The following TBC1D22A variants were observed in gnomAD, a reference collection of about 807,000 sequenced individuals.
The protein encoded by TBC1D22A is putative GTPase activator.
A neutral mutation model predicts 60.2 loss-of-function variants in TBC1D22A; 38 were observed. That is an observed-to-expected ratio of 0.63 (90% CI 0.49 to 0.83). The LOEUF (loss-of-function observed/expected upper bound fraction) is 0.83, where lower values mean the gene tolerates loss of function less well. TBC1D22A is among the 40% of genes least tolerant of loss of function. The pLI is 0.00. For synonymous variants in TBC1D22A, 302 were observed against 281.7 expected, an observed-to-expected ratio of 1.07 and a Z score of -0.72; for missense variants, 628 against 701.0, an observed-to-expected ratio of 0.90 and a Z score of 1.18.
At chr22:47,120,736 G>T (rs1188871522) in intron 12 of TBC1D22A, among the ~76,000 whole-genome samples, 1 of 152,216 alleles carries the variant, frequency 6.6e-6, no homozygotes, top group Non-Finnish European at 1.5e-5. Flanking sequence ...GAAGGGAAGA[G>T]GAATAAAAGC....
chr22:47,014,032 G>A (rs1283772495), intron 10 of TBC1D22A, among the ~76,000 whole-genome samples: 1 of 152,234 alleles, frequency 6.6e-6, no homozygotes, highest in Non-Finnish European at 1.5e-5. Flanking sequence ...AGGCAGTGGG[G>A]CGTGTGGGGA....
intron 11 of TBC1D22A, among the ~76,000 whole-genome samples, chr22:47,094,076 C>T (rs565186268): frequency 6.6e-6 from 1 of 152,284 alleles, no homozygotes; most frequent in South Asian, 2.1e-4. Flanking sequence ...GGCTTGGCAT[C>T]TAGCTGTCTG....
At chr22:47,171,183 G>A (rs2068433698) in intron 12 of TBC1D22A, among the ~76,000 whole-genome samples, 1 of 152,192 alleles carries the variant, frequency 6.6e-6, no homozygotes. Context: ...TGGACAGGAA[G>A]ACAGGATGTG....
intron 11 of TBC1D22A, among the ~76,000 whole-genome samples, chr22:47,042,396 C>T (rs1422957889): frequency 1.3e-5 from 2 of 151,002 alleles, no homozygotes; most frequent in Non-Finnish European, 2.9e-5. Flanking sequence ...CCTTGCCAGC[C>T]TGTATGAGAG....
intron 7 of TBC1D22A, among the ~76,000 whole-genome samples, chr22:46,910,254 G>C (rs537442301): frequency 3.3e-5 from 5 of 152,154 alleles, no homozygotes; most frequent in Non-Finnish European, 7.3e-5. Context: ...GGGTGGCGGG[G>C]GGCCTGGACT....
chr22:47,107,468 T>C (rs737780), intron 11 of TBC1D22A, among the ~76,000 whole-genome samples: 69,419 of 151,966 alleles, frequency 0.46, 17,080 homozygotes, highest in African/African-American at 0.64. Flanking sequence ...TCGAGGTTTT[T>C]AGGACCCTAT....
chr22:47,168,664 C>G (rs958902604), intron 12 of TBC1D22A, among the ~76,000 whole-genome samples: 6 of 152,216 alleles, frequency 3.9e-5, no homozygotes, highest in African/African-American at 1.4e-4. Context: ...CGAAGGAACC[C>G]AGGGTCTGCA....
At chr22:46,961,628 G>A (rs2073509707) in intron 8 of TBC1D22A, among the ~76,000 whole-genome samples, 1 of 152,210 alleles carries the variant, frequency 6.6e-6, no homozygotes, top group Non-Finnish European at 1.5e-5. Context: ...TGAACATGGC[G>A]AAGAAGCTTA....
At chr22:46,811,613 C>T (rs1000763906) in intron 4 of TBC1D22A, among the ~76,000 whole-genome samples, 8 of 152,100 alleles carry the variant, frequency 5.3e-5, no homozygotes, top group Non-Finnish European at 1.0e-4. Flanking sequence ...GTGCTGAGCG[C>T]GTTGTGTGCA....
At chr22:46,943,478 C>T (rs570368880) in intron 8 of TBC1D22A, among the ~76,000 whole-genome samples, 1 of 152,368 alleles carries the variant, frequency 6.6e-6, no homozygotes, top group East Asian at 1.9e-4. Context: ...AGAGTAGCGG[C>T]ATGGGCTGCT....
intron 8 of TBC1D22A, among the ~76,000 whole-genome samples, chr22:46,916,666 G>A (rs73888472): frequency 9.2e-5 from 14 of 152,354 alleles, no homozygotes; most frequent in African/African-American, 3.1e-4. Flanking sequence ...CTTTGTTTGA[G>A]TGGCACCCAC....
Position 47,173,539 on chromosome 22 carries a change from G to C in TBC1D22A, c.1467G>C (p.Trp489Cys). 6.2e-7 allele frequency: 1 copy of C among 1,614,120 alleles called. No homozygotes were observed. Among genetic ancestry groups the C allele is most frequent in the Non-Finnish European group, 8.5e-7 (1 of 1,180,016 alleles). Residue 489 changes from tryptophan to cysteine, a missense_variant, in exon 13 of 13, where the codon TGG becomes TGC. Physicochemically the swap from Trp to Cys is radical, Grantham distance 215 (BLOSUM62 -2). Coordinates refer to ENST00000337137, the MANE Select transcript of TBC1D22A (RefSeq NM_014346.5). Reference protein sequence around the residue: ...LFLQNLPTAHWDDEDISLLLA... With the variant: ...LFLQNLPTAHCDDEDISLLLA... ...TCCAGAACCTGCCCACAGCCCACTG[G>C]GATGATGAGGACATCAGCCTGTTGC...
intron 9 of TBC1D22A, among the ~76,000 whole-genome samples, chr22:46,982,250 A>G (rs1057427839): frequency 2.2e-5 from 3 of 136,450 alleles, no homozygotes; most frequent in East Asian, 2.1e-4. Context: ...TTTGAGATGG[A>G]GTCTTACTCT....
At chr22:47,014,588 C>T (rs186691550) in intron 10 of TBC1D22A, among the ~76,000 whole-genome samples, 6 of 152,258 alleles carry the variant, frequency 3.9e-5, no homozygotes, top group African/African-American at 1.4e-4. Flanking sequence ...CATCCTTCAC[C>T]TCACTTACTT....
chr22:46,930,501 G>T (rs1682478376), intron 8 of TBC1D22A, among the ~76,000 whole-genome samples: 1 of 152,020 alleles, frequency 6.6e-6, no homozygotes, highest in Non-Finnish European at 1.5e-5. Context: ...TGTCACCCAG[G>T]CTGGAGTGCA....
intron 11 of TBC1D22A, among the ~76,000 whole-genome samples, chr22:47,062,052 C>T (rs1256224251): frequency 7.2e-6 from 1 of 138,742 alleles, no homozygotes; most frequent in Non-Finnish European, 1.5e-5. Context: ...CGCTCTGCTG[C>T]ACTCCAGCCT....
chr22:47,006,409 G>A (rs545098380), intron 10 of TBC1D22A, among the ~76,000 whole-genome samples: 5 of 152,328 alleles, frequency 3.3e-5, no homozygotes, highest in African/African-American at 1.2e-4. Context: ...GCTGGCTTAG[G>A]ACTTCTTGAC....
At chr22:46,896,160 C>T (rs1295413010) in intron 7 of TBC1D22A, among the ~76,000 whole-genome samples, 1 of 152,208 alleles carries the variant, frequency 6.6e-6, no homozygotes. Context: ...TTCTGTCTTT[C>T]CCCCTTCTGC....
chr22:46,825,781 G>A (rs1239449510), intron 4 of TBC1D22A, among the ~76,000 whole-genome samples: 1 of 151,646 alleles, frequency 6.6e-6, no homozygotes, highest in Non-Finnish European at 1.5e-5. Flanking sequence ...AGCCTAAACT[G>A]AATTGTTTTA....
Sources: allele counts gnomAD v4.1 joint callset (sites outside exome capture counted in the v4.1 genomes callset), GRCh38; gene constraint gnomAD v4.1.1; transcripts MANE v1.5; gene names NCBI Gene and HGNC (gene_info 2026-07-23, HGNC 2026-07-21).